Variants in SLC25A13 observed in about 807,000 individuals in gnomAD.
SLC25A13 encodes solute carrier family 25 member 13.
A neutral mutation model predicts 85.5 loss-of-function variants in SLC25A13; 70 were observed. The ratio of observed to expected loss-of-function variants is 0.82; its 90% CI spans 0.68 to 1.00. SLC25A13 has a LOEUF of 1.00. Ranked by LOEUF, SLC25A13 falls within the 50% of genes least tolerant of loss-of-function variation. The probability of loss-of-function intolerance (pLI) is 0.00; values close to 1 mark genes in which losing one functional copy is unlikely to be tolerated. For synonymous variants in SLC25A13, 259 were observed against 288.7 expected, an observed-to-expected ratio of 0.90 and a Z score of 1.04; for missense variants, 765 against 819.8, an observed-to-expected ratio of 0.93 and a Z score of 0.82.
chr7:96,140,416 T>G (rs902266003), intron 14 of SLC25A13, among the ~76,000 whole-genome samples: 18 of 142,982 alleles, frequency 1.3e-4, no homozygotes, highest in African/African-American at 1.6e-4. Flanking sequence ...TTTTTTTTTT[T>G]TTTTTTGAGA....
intron 2 of SLC25A13, among the ~76,000 whole-genome samples, chr7:96,285,661 G>A (rs1162594876): frequency 6.6e-6 from 1 of 152,046 alleles, no homozygotes. Flanking sequence ...GCAGGCCCTT[G>A]GGGTATGCCA....
rs772811349 is a variant in SLC25A13 at position 96,131,721 on chromosome 7, G to A, written c.1591+22C>T. 6.2e-6 allele frequency: 10 copies of A among 1,613,404 alleles called. No homozygotes were observed. The East Asian group carries it at 1.8e-4, about 29-fold the overall frequency. ...GGCAGCAAGGGTCAGGGAAGTAAGA[G>A]AACTCCATGGGGGACACTCACCAGC... On this transcript the variant is annotated intron_variant, in intron 15 of 17. Transcript: ENST00000265631.
At chr7:96,121,616 G>A (rs755459783) in intron 17 of SLC25A13, 39 bp downstream of exon 17, 8 of 1,597,132 alleles carry the variant, frequency 5.0e-6, no homozygotes, top group East Asian at 2.2e-5. Context: ...AGCATTAGCA[G>A]CAGCCAAAAT....
Position 96,259,983 on chromosome 7 carries a change from T to C in SLC25A13, c.212+17213A>G, listed in dbSNP as rs1797785026. ...CAAACCAAACACCGCATGTTCGCAC[T>C]CATAAGTGGTAGTCGAACAATGAGA... is the stretch of plus-strand genomic sequence containing the variant. On this transcript the variant is annotated intron_variant, in intron 3 of 17. Coordinates refer to ENST00000265631, the MANE Select transcript of SLC25A13 (RefSeq NM_014251.3). Among the ~76,000 whole-genome samples the C allele has an allele frequency of 2.1e-5, 3 of 145,906 alleles. No homozygotes were observed. In the South Asian group the frequency reaches 6.4e-4, roughly 31 times the overall value.
chr7:96,294,914 T>C (rs1799291031), intron 2 of SLC25A13, among the ~76,000 whole-genome samples: 1 of 152,254 alleles, frequency 6.6e-6, no homozygotes, highest in Non-Finnish European at 1.5e-5. Context: ...TTAATTCATT[T>C]GCTTTTGGAG....
At position 96,277,331 on chromosome 7, in the gene SLC25A13, C is replaced by T; in HGVS notation, c.77G>A (p.Ser26Asn). ...GAAAAATTCACCGTTTTTCTCAATG[C>T]TTGCATACTGTTTAAAAAAAAGAAA... is the stretch of plus-strand genomic sequence containing the variant. ...ELRTIFLKYASIEKNGEFFMS... is the reference protein window; with the variant it reads ...ELRTIFLKYANIEKNGEFFMS... The change falls in exon 3 of 18, where the codon AGC (serine) becomes AAC (asparagine). Residue 26 changes from serine to asparagine, a missense_variant. By Grantham distance (46) the Ser-to-Asn change is conservative. Transcript: ENST00000265631. The T allele has an allele frequency of 6.2e-7, 1 of 1,612,012 alleles. No homozygotes were observed.
chr7:96,300,470 T>C (rs377250841), intron 1 of SLC25A13, among the ~76,000 whole-genome samples: 18 of 152,330 alleles, frequency 1.2e-4, no homozygotes, highest in East Asian at 7.7e-4. Flanking sequence ...CAATAAATGG[T>C]ATCTATTACT....
Position 96,234,905 on chromosome 7 carries a change from A to G in SLC25A13, c.225T>C (p.Phe75=), listed in dbSNP as rs1796689041. ...VDQTKDGLIS[F]QEFVAFESVL... ...CAGATTCAAAGGCAACAAATTCTTGAAAAGATATTAATCTGCAACATAAAA... is the reference window on the plus strand; with the variant it reads ...CAGATTCAAAGGCAACAAATTCTTGGAAAGATATTAATCTGCAACATAAAA... The change falls in exon 4 of 18, where the codon TTT becomes TTC. Residue 75 remains phenylalanine (F), a synonymous_variant. Transcript: ENST00000265631. 1 of 1,612,786 alleles carries G rather than the reference A, an allele frequency of 6.2e-7. No individual in the cohort carries two copies.
chr7:96,189,730 C>T lies in SLC25A13; in HGVS notation c.755-56G>A, dbSNP rs1794776141. 3 of 1,409,726 alleles carry T rather than the reference C, an allele frequency of 2.1e-6. No homozygotes were observed. The Admixed American group carries it at 5.0e-5, about 24-fold the overall frequency. 87.3% of individuals were successfully genotyped at this position (1,409,726 alleles called of 1,614,324 possible). ...TTCAAGAAGAAATAGCCACTAAATT[C>T]AGCATTAACTCAAGGCACTGGAATG... On this transcript the variant is annotated intron_variant, in intron 7 of 17. Transcript: ENST00000265631.
At chr7:96,160,573 T>C (rs1793468896) in intron 13 of SLC25A13, among the ~76,000 whole-genome samples, 1 of 152,176 alleles carries the variant, frequency 6.6e-6, no homozygotes, top group African/African-American at 2.4e-5. Flanking sequence ...TGTCCTCACA[T>C]GGAGGAAGGA....
At chr7:96,139,981 C>T (rs1390247722) in intron 14 of SLC25A13, among the ~76,000 whole-genome samples, 5 of 97,958 alleles carry the variant, frequency 5.1e-5, no homozygotes, top group Non-Finnish European at 7.5e-5. Flanking sequence ...TTTTTTGAGA[C>T]GGAGTCTCGC....
At chr7:96,149,785 A>G (rs761381378) in intron 13 of SLC25A13, among the ~76,000 whole-genome samples, 40 of 152,110 alleles carry the variant, frequency 2.6e-4, no homozygotes, top group Non-Finnish European at 5.0e-4. Flanking sequence ...TGAGCAGCAC[A>G]CTGCGTGCCG....
Position 96,321,946 on chromosome 7 carries a change from G to T in SLC25A13, c.11C>A (p.Ala4Asp), listed in dbSNP as rs1186505567. 2 of 1,541,384 alleles carry T rather than the reference G, an allele frequency of 1.3e-6. No homozygotes were observed. The highest frequency in any genetic ancestry group is 8.7e-7 in the Non-Finnish European group (1 of 1,146,428). The change falls in exon 1 of 18, where the codon GCC (alanine) becomes GAC (aspartate). Residue 4 changes from alanine to aspartate, a missense_variant. Ala to Asp is a moderately radical substitution (Grantham distance 126, BLOSUM62 -2). Coordinates refer to ENST00000265631, the MANE Select transcript of SLC25A13 (RefSeq NM_014251.3). ...CGGCCTCGGGCCCGCGGTTACCTTGGCGGCCGCCATGATTCGCCCCGGTTG... is the reference window on the plus strand; with the variant it reads ...CGGCCTCGGGCCCGCGGTTACCTTGTCGGCCGCCATGATTCGCCCCGGTTG... MAAAKVALTKRADP... is the reference protein window; with the variant it reads MAADKVALTKRADP...
intron 2 of SLC25A13, among the ~76,000 whole-genome samples, chr7:96,296,071 T>C (rs1188974690): frequency 6.6e-6 from 1 of 151,834 alleles, no homozygotes; most frequent in Non-Finnish European, 1.5e-5. Flanking sequence ...AAGATGCCAG[T>C]ATAAGACACA....
chr7:96,279,994 G>A (rs1352401396), intron 2 of SLC25A13, among the ~76,000 whole-genome samples: 3 of 152,148 alleles, frequency 2.0e-5, no homozygotes, highest in Non-Finnish European at 4.4e-5. Flanking sequence ...CTGATGAACT[G>A]GCAAAGGCTT....
At chr7:96,230,069 C>G (rs1265177738) in intron 4 of SLC25A13, among the ~76,000 whole-genome samples, 1 of 151,954 alleles carries the variant, frequency 6.6e-6, no homozygotes, top group East Asian at 1.9e-4. Flanking sequence ...CTTGCAGCAG[C>G]CAAAAATGAA....
At chr7:96,315,342 G>A (rs909744517) in intron 1 of SLC25A13, among the ~76,000 whole-genome samples, 1 of 152,184 alleles carries the variant, frequency 6.6e-6, no homozygotes, top group African/African-American at 2.4e-5. Flanking sequence ...AAAATCCTGA[G>A]GCTCAGGCCA....
intron 2 of SLC25A13, among the ~76,000 whole-genome samples, chr7:96,283,162 G>GT (rs1798752707): frequency 2.6e-5 from 4 of 152,046 alleles, no homozygotes; most frequent in Admixed American, 2.6e-4. Context: ...AAAAATGTAG[G>GT]TACAATACTA....
At chr7:96,124,771 CCTATATTATG>C (rs1283607286) in intron 15 of SLC25A13, among the ~76,000 whole-genome samples, 60 of 152,274 alleles carry the variant, frequency 3.9e-4, no homozygotes, top group Admixed American at 1.3e-4. Flanking sequence ...TTTCTGCCAT[CCTATATTATG>C]CTATTTTCTC....
Sources: allele counts gnomAD v4.1 joint callset (sites outside exome capture counted in the v4.1 genomes callset), GRCh38; gene constraint gnomAD v4.1.1; transcripts MANE v1.5; gene names NCBI Gene and HGNC (gene_info 2026-07-23, HGNC 2026-07-21).